OPCML: variants seen among roughly 807,000 people sequenced by gnomAD.
OPCML encodes the protein opioid-binding protein/cell adhesion molecule.
Under a neutral mutation model 37.8 loss-of-function variants are expected in OPCML, and 13 were observed. That is an observed-to-expected ratio of 0.34 (90% CI 0.22 to 0.55). OPCML has a LOEUF of 0.55. Among genes scored for constraint, OPCML ranks in the 20% least tolerant of loss-of-function variants. The probability of loss-of-function intolerance (pLI) is 0.91; values close to 1 mark genes in which losing one functional copy is unlikely to be tolerated. For synonymous variants in OPCML, 176 were observed against 168.8 expected (o/e 1.04, Z -0.33); for missense variants, 341 against 435.6 (o/e 0.78, Z 1.93).
At chr11:132,839,315 G>A (rs533079307) in intron 2 of OPCML, among the ~76,000 whole-genome samples, 6 of 152,268 alleles carry the variant, frequency 3.9e-5, no homozygotes, top group East Asian at 1.9e-4. Flanking sequence ...AGAGAGGAGC[G>A]ACAGGGGAAC....
At chr11:132,490,708 A>G (rs1283416572) in intron 4 of OPCML, among the ~76,000 whole-genome samples, 4 of 151,366 alleles carry the variant, frequency 2.6e-5, no homozygotes, top group Non-Finnish European at 5.9e-5. Flanking sequence ...GGTCCCGGCT[A>G]CTCGAGAGGC....
chr11:133,303,480 C>CG (rs1460621565), intron 1 of OPCML, among the ~76,000 whole-genome samples: 1 of 152,116 alleles, frequency 6.6e-6, no homozygotes, highest in African/African-American at 2.4e-5. Context: ...CTATTCATTG[C>CG]GGTTGGCCTG....
intron 2 of OPCML, among the ~76,000 whole-genome samples, chr11:132,842,185 C>A (rs374722021): frequency 1.3e-5 from 2 of 152,150 alleles, no homozygotes; most frequent in African/African-American, 4.8e-5. Flanking sequence ...TACTACTTTA[C>A]CCCCTTCCTT....
At chr11:133,459,357 T>C (rs1423387371) in intron 1 of OPCML, among the ~76,000 whole-genome samples, 5 of 151,878 alleles carry the variant, frequency 3.3e-5, no homozygotes, top group Admixed American at 3.3e-4. Context: ...AACAACAAAA[T>C]GTCAAAAAGT....
chr11:132,653,359 G>T, intron 3 of OPCML, among the ~76,000 whole-genome samples: 1 of 152,182 alleles, frequency 6.6e-6, no homozygotes, highest in East Asian at 1.9e-4. Flanking sequence ...GCTTAGCGGG[G>T]ATGGGAGTCA....
intron 2 of OPCML, among the ~76,000 whole-genome samples, chr11:132,803,621 A>C (rs569792865): frequency 1.3e-5 from 2 of 152,324 alleles, no homozygotes; most frequent in East Asian, 3.9e-4. Context: ...CTCATCCTTC[A>C]CTAATGAGCG....
Position 132,930,529 on chromosome 11 carries a change from C to A in OPCML, c.146+12397G>T, listed in dbSNP as rs565436795. ...AACTAATAAATTACATTGTAGAATA[C>A]AAAAATCAACAAAAAAATCAATTGC... On this transcript the variant is annotated intron_variant, in intron 2 of 7. Coordinates refer to ENST00000524381, the MANE Select transcript of OPCML (RefSeq NM_001012393.5). 5.3e-5 allele frequency among the ~76,000 whole-genome samples: 8 copies of A among 151,766 alleles called. No homozygotes were observed. The East Asian group carries it at 9.7e-4, about 18-fold the overall frequency.
chr11:132,428,265 C>T (rs1299286215), intron 7 of OPCML, among the ~76,000 whole-genome samples: 2 of 152,142 alleles, frequency 1.3e-5, no homozygotes, highest in Non-Finnish European at 2.9e-5. Flanking sequence ...GACTACAAGT[C>T]CTCTTGGGTA....
chr11:133,340,991 C>T (rs1281643348), intron 1 of OPCML, among the ~76,000 whole-genome samples: 1 of 152,114 alleles, frequency 6.6e-6, no homozygotes, highest in Non-Finnish European at 1.5e-5. Context: ...TTAGCACTCC[C>T]ATCACTGCCT....
chr11:132,501,266 C>T (rs2096244955), intron 4 of OPCML, among the ~76,000 whole-genome samples: 1 of 152,140 alleles, frequency 6.6e-6, no homozygotes, highest in Admixed American at 6.5e-5. Context: ...AAACCTAAAA[C>T]CATAAAAACC....
intron 2 of OPCML, among the ~76,000 whole-genome samples, chr11:132,867,711 T>A (rs971185552): frequency 6.6e-6 from 1 of 152,354 alleles, no homozygotes; most frequent in East Asian, 1.9e-4. Context: ...GTGGAACTAC[T>A]TCTTGCCCTT....
chr11:132,863,748 C>A (rs145256143), intron 2 of OPCML, among the ~76,000 whole-genome samples: 3 of 151,706 alleles, frequency 2.0e-5, no homozygotes, highest in Non-Finnish European at 1.5e-5. Flanking sequence ...AAGGGAGGGA[C>A]GCTGCTCCTA....
At chr11:132,963,405 T>A (rs1383321525) in intron 1 of OPCML, among the ~76,000 whole-genome samples, 1 of 151,692 alleles carries the variant, frequency 6.6e-6, no homozygotes, top group African/African-American at 2.4e-5. Flanking sequence ...GCCTGGCCAA[T>A]ATGGTGAAAC....
At chr11:133,482,099 G>A (rs1947384318) in intron 1 of OPCML, among the ~76,000 whole-genome samples, 1 of 152,146 alleles carries the variant, frequency 6.6e-6, no homozygotes, top group South Asian at 2.1e-4. Context: ...CCTTGGAAGT[G>A]GAAGCAAGGA....
intron 1 of OPCML, among the ~76,000 whole-genome samples, chr11:133,216,123 G>A (rs1431237484): frequency 1.3e-5 from 2 of 152,146 alleles, no homozygotes; most frequent in African/African-American, 4.8e-5. Flanking sequence ...ACGCAGTGCA[G>A]CCCTCATCTG....
chr11:133,422,653 G>A (rs994522412), intron 1 of OPCML: 69 of 981,520 alleles, frequency 7.0e-5, no homozygotes, highest in East Asian at 6.8e-4. Context: ...CACTGAGCCC[G>A]GCCACTAATT....
intron 1 of OPCML, among the ~76,000 whole-genome samples, chr11:132,968,869 C>T (rs1435588970): frequency 2.0e-5 from 3 of 152,138 alleles, no homozygotes; most frequent in Non-Finnish European, 4.4e-5. Context: ...GCTTTTCTTC[C>T]CTTTTCTTGT....
intron 4 of OPCML, among the ~76,000 whole-genome samples, chr11:132,493,606 C>A (rs1354445452): frequency 2.0e-5 from 3 of 152,176 alleles, no homozygotes; most frequent in African/African-American, 7.2e-5. Context: ...TTCCTGGACT[C>A]CCATTTCTTT....
chr11:132,990,236 G>T, intron 1 of OPCML, among the ~76,000 whole-genome samples: 1 of 152,170 alleles, frequency 6.6e-6, no homozygotes, highest in Non-Finnish European at 1.5e-5. Context: ...GGCGTGCACC[G>T]AGTCCTTTGT....
Sources: gnomAD v4.1 joint callset for allele counts (sites outside exome capture counted in the v4.1 genomes callset) on GRCh38, gnomAD v4.1.1 for gene constraint, MANE v1.5 for transcripts, NCBI Gene and HGNC (gene_info 2026-07-23, HGNC 2026-07-21) for gene names.